SYT2: variants seen among roughly 807,000 people sequenced by gnomAD.
SYT2 encodes synaptotagmin-2.
In SYT2, 15 loss-of-function variants were observed where a neutral mutation model predicts 39.9. The observed-to-expected ratio is 0.38, with a 90% CI of 0.25 to 0.58. SYT2 has a LOEUF of 0.58. Among genes scored for constraint, SYT2 ranks in the 20% least tolerant of loss-of-function variants. The pLI, the probability that SYT2 is intolerant of heterozygous loss-of-function variation, is 0.70. For synonymous variants in SYT2, 181 were observed against 204.5 expected (o/e 0.89, Z 0.98); for missense variants, 389 against 530.3 (o/e 0.73, Z 2.62).
intron 1 of SYT2, among the ~76,000 whole-genome samples, chr1:202,676,084 G>A (rs910616018): frequency 2.0e-5 from 3 of 152,132 alleles, no homozygotes; most frequent in Admixed American, 2.0e-4. Context: ...TAAGGCCACC[G>A]CCTTTCCACC....
chr1:202,660,873 T>G (rs374693717), intron 1 of SYT2, among the ~76,000 whole-genome samples: 1 of 152,158 alleles, frequency 6.6e-6, no homozygotes, highest in Non-Finnish European at 1.5e-5. Context: ...TGGGCGCCTA[T>G]GCTCGCAGCA....
intron 1 of SYT2, among the ~76,000 whole-genome samples, chr1:202,674,234 T>A (rs142688507): frequency 6.6e-6 from 1 of 152,192 alleles, no homozygotes; most frequent in African/African-American, 2.4e-5. Flanking sequence ...CCTGAGTAGC[T>A]GGGATTACAG....
chr1:202,684,668 G>A (rs1489999618), intron 1 of SYT2, among the ~76,000 whole-genome samples: 1 of 151,828 alleles, frequency 6.6e-6, no homozygotes, highest in African/African-American at 2.4e-5. Context: ...TTTGTCTCTG[G>A]GTGTCTCTGC....
At chr1:202,679,826 T>C (rs752015159) in intron 1 of SYT2, among the ~76,000 whole-genome samples, 1 of 152,116 alleles carries the variant, frequency 6.6e-6, no homozygotes, top group Non-Finnish European at 1.5e-5. Context: ...CCCTTCTTTC[T>C]AGCTTCAACC....
intron 1 of SYT2, among the ~76,000 whole-genome samples, chr1:202,684,706 T>A (rs1030219616): frequency 1.5e-4 from 23 of 152,142 alleles, no homozygotes; most frequent in Non-Finnish European, 2.9e-4. Flanking sequence ...CCGTGATGTA[T>A]TTGGTTTCAG....
rs147872544 is a variant in SYT2 at position 202,603,378 on chromosome 1, C to T, written c.346-260G>A. Among the ~76,000 whole-genome samples, 392 of 152,308 alleles carry T rather than the reference C, an allele frequency of 2.6e-3. 3 individuals are homozygous for T. The highest frequency in any genetic ancestry group is 3.4e-3 in the Middle Eastern group (1 of 294). Reference sequence around the variant, plus strand: ...GGGCACCACTCTCCTGCCTCTGAGACACACTGTGCTATGGGACCAGGCCCT... The same window carrying T: ...GGGCACCACTCTCCTGCCTCTGAGATACACTGTGCTATGGGACCAGGCCCT... On this transcript the variant is annotated intron_variant, in intron 3 of 8. Coordinates refer to ENST00000367268, the MANE Select transcript of SYT2 (RefSeq NM_177402.5).
chr1:202,661,395 C>T (rs1692377381), intron 1 of SYT2, among the ~76,000 whole-genome samples: 1 of 152,028 alleles, frequency 6.6e-6, no homozygotes, highest in South Asian at 2.1e-4. Flanking sequence ...CGCCTTCCTC[C>T]CCAGCTCACT....
intron 1 of SYT2, among the ~76,000 whole-genome samples, chr1:202,631,206 C>T (rs1273797777): frequency 6.6e-6 from 1 of 152,192 alleles, no homozygotes; most frequent in Non-Finnish European, 1.5e-5. Context: ...CCAAAGCCAG[C>T]ATGGGTGAGC....
intron 1 of SYT2, among the ~76,000 whole-genome samples, chr1:202,646,240 GC>G (rs1251624774): frequency 6.6e-6 from 1 of 152,172 alleles, no homozygotes; most frequent in Non-Finnish European, 1.5e-5. Context: ...ACCTGGCACT[GC>G]CCACTCCCTC....
chr1:202,682,028 C>T (rs762654505), intron 1 of SYT2, among the ~76,000 whole-genome samples: 1 of 152,232 alleles, frequency 6.6e-6, no homozygotes, highest in Non-Finnish European at 1.5e-5. Flanking sequence ...AGCCTTCCTA[C>T]TCCTCTGAAA....
At chr1:202,707,235 G>C (rs1033492992) in intron 1 of SYT2, among the ~76,000 whole-genome samples, 3 of 152,288 alleles carry the variant, frequency 2.0e-5, no homozygotes, top group African/African-American at 7.2e-5. Context: ...GACTACAATA[G>C]TGGCACATGG....
At chr1:202,674,966 T>C (rs930148511) in intron 1 of SYT2, among the ~76,000 whole-genome samples, 1 of 152,124 alleles carries the variant, frequency 6.6e-6, no homozygotes, top group South Asian at 2.1e-4. Flanking sequence ...TCTGAAGTTA[T>C]CTTGTTCAGA....
chr1:202,634,798 A>G (rs1041961969), intron 1 of SYT2, among the ~76,000 whole-genome samples: 3 of 152,226 alleles, frequency 2.0e-5, no homozygotes, highest in African/African-American at 7.2e-5. Flanking sequence ...TGTATTATAT[A>G]ATTCCATCTA....
chr1:202,597,875 G>A (rs1307607189), intron 8 of SYT2, among the ~76,000 whole-genome samples: 3 of 152,152 alleles, frequency 2.0e-5, no homozygotes, highest in African/African-American at 7.2e-5. Context: ...AGAATCAAGA[G>A]GACTTGATGA....
intron 8 of SYT2, among the ~76,000 whole-genome samples, chr1:202,598,311 A>G (rs947596553): frequency 1.7e-4 from 26 of 152,204 alleles, no homozygotes; most frequent in African/African-American, 6.0e-4. Flanking sequence ...GAAGAACATT[A>G]CATTGGTTTT....
intron 1 of SYT2, chr1:202,632,914 G>A (rs1352237075): frequency 6.6e-6 from 1 of 152,180 alleles, no homozygotes; most frequent in Non-Finnish European, 1.5e-5. Flanking sequence ...TCCCACCACA[G>A]AGGGGTAAAT....
intron 1 of SYT2, among the ~76,000 whole-genome samples, chr1:202,646,695 G>GAGACT (rs1271484462): frequency 6.6e-6 from 1 of 152,218 alleles, no homozygotes; most frequent in Non-Finnish European, 1.5e-5. Flanking sequence ...TGTATATAGA[G>GAGACT]AGACTAGCGC....
At chr1:202,602,169 A>G in intron 5 of SYT2, 112 bp from the exon 6 acceptor site, 2 of 1,258,948 alleles carry the variant, frequency 1.6e-6, no homozygotes, top group Non-Finnish European at 2.2e-6. Flanking sequence ...GTGTGCCGAG[A>G]CAGACAAAGA....
At chr1:202,672,691 G>A (rs913075325) in intron 1 of SYT2, among the ~76,000 whole-genome samples, 1 of 129,400 alleles carries the variant, frequency 7.7e-6, no homozygotes, top group African/African-American at 3.1e-5. Context: ...TTAAAACTTG[G>A]CAGAAGCAGA....
Sources: gnomAD v4.1 joint callset for allele counts (sites outside exome capture counted in the v4.1 genomes callset) on GRCh38, gnomAD v4.1.1 for gene constraint, MANE v1.5 for transcripts, NCBI Gene and HGNC (gene_info 2026-07-23, HGNC 2026-07-21) for gene names.